Variants in PSD3 observed in about 807,000 individuals in gnomAD.
PSD3 encodes pleckstrin and Sec7 domain containing 3, also known as PH and SEC7 domain-containing protein 3.
In PSD3, 49 loss-of-function variants were observed where a neutral mutation model predicts 105.5. That is an observed-to-expected ratio of 0.46 (90% CI 0.37 to 0.59). PSD3 has a LOEUF of 0.59. PSD3 is among the 20% of genes least tolerant of loss of function. The pLI is 0.00. For missense variants in PSD3, 1,561 were observed against 1,263.8 expected (o/e 1.24, Z -3.57); for synonymous variants, 557 against 457.8 (o/e 1.22, Z -2.77).
chr8:18,936,582 T>C (rs1459688964), intron 1 of PSD3, among the ~76,000 whole-genome samples: 1 of 152,050 alleles, frequency 6.6e-6, no homozygotes, highest in Non-Finnish European at 1.5e-5. Flanking sequence ...ACCTACATGG[T>C]GAAACCCCAT....
chr8:18,643,704 C>G (rs190195457), intron 10 of PSD3, among the ~76,000 whole-genome samples: 1 of 152,360 alleles, frequency 6.6e-6, no homozygotes, highest in Non-Finnish European at 1.5e-5. Flanking sequence ...CCTGAAAACA[C>G]TGGAATTGGG....
At chr8:18,711,495 C>T (rs1047761973) in intron 9 of PSD3, among the ~76,000 whole-genome samples, 5 of 152,100 alleles carry the variant, frequency 3.3e-5, no homozygotes, top group African/African-American at 9.7e-5. Context: ...TTTGACAAAA[C>T]AGACTTTAAA....
At chr8:18,760,388 C>A (rs1212863848) in intron 9 of PSD3, among the ~76,000 whole-genome samples, 2 of 151,954 alleles carry the variant, frequency 1.3e-5, no homozygotes. Context: ...AAATTGTACC[C>A]TTTGTTTAAA....
At chr8:18,663,339 T>C (rs374558740) in intron 9 of PSD3, among the ~76,000 whole-genome samples, 5 of 152,044 alleles carry the variant, frequency 3.3e-5, no homozygotes, top group Admixed American at 2.0e-4. Flanking sequence ...TGCAGGAGGA[T>C]TGCTTCAACC....
intron 4 of PSD3, among the ~76,000 whole-genome samples, chr8:18,834,186 T>G (rs1043700047): frequency 6.6e-6 from 1 of 152,322 alleles, no homozygotes. Context: ...GAAGAAAATA[T>G]ATTTGAATGT....
Position 18,872,444 on chromosome 8 carries a change from G to A in PSD3, c.420C>T (p.Ala140=). 1 of 1,614,094 alleles carries A rather than the reference G, an allele frequency of 6.2e-7. No homozygotes were observed. The highest frequency in any genetic ancestry group is 8.5e-7 in the Non-Finnish European group (1 of 1,180,030). The change falls in exon 3 of 16, where the codon GCC becomes GCT. Residue 140 remains alanine (A), a synonymous_variant. Transcript: ENST00000327040. ...PIDSLISALK[A]TEARIISGTL... is the part of the protein sequence containing the mutation. ...TTCCGGAAATGATTCTGGCTTCTGT[G>A]GCTTTCAGAGCTGAAATCAAAGAGT...
intron 9 of PSD3, among the ~76,000 whole-genome samples, chr8:18,715,407 A>C (rs527460756): frequency 6.6e-6 from 1 of 152,234 alleles, no homozygotes; most frequent in Non-Finnish European, 1.5e-5. Flanking sequence ...GTATCCATGT[A>C]TGTAATTCAA....
chr8:18,733,990 TACA>T (rs1803964632), intron 9 of PSD3: 1 of 152,176 alleles, frequency 6.6e-6, no homozygotes, highest in African/African-American at 2.4e-5. Flanking sequence ...GCCTTTTAAA[TACA>T]GACCCCTAGG....
At chr8:19,036,310 C>T (rs1181311714) in intron 1 of PSD3, among the ~76,000 whole-genome samples, 1 of 152,068 alleles carries the variant, frequency 6.6e-6, no homozygotes. Context: ...CAGCTGCTTA[C>T]CAGGAAGGTG....
chr8:18,954,981 C>G (rs1483498590), intron 1 of PSD3, among the ~76,000 whole-genome samples: 3 of 152,164 alleles, frequency 2.0e-5, no homozygotes, highest in Non-Finnish European at 4.4e-5. Context: ...TGCAGGCAGA[C>G]AACGAGGGAG....
intron 11 of PSD3, among the ~76,000 whole-genome samples, chr8:18,624,752 T>C (rs970383890): frequency 6.6e-6 from 1 of 151,774 alleles, no homozygotes; most frequent in Admixed American, 6.6e-5. Context: ...CCATGGATCC[T>C]AATCCTTTAT....
At chr8:19,015,978 A>T (rs2114493), upstream of PSD3, among the ~76,000 whole-genome samples, 3,440 of 152,352 alleles carry the variant, frequency 0.023, 142 homozygotes, top group African/African-American at 0.079. Context: ...AATCAAAGAT[A>T]AAATGGTTAG....
At chr8:18,691,721 T>C (rs752602464) in intron 9 of PSD3, among the ~76,000 whole-genome samples, 3 of 152,310 alleles carry the variant, frequency 2.0e-5, no homozygotes, top group South Asian at 4.1e-4. Context: ...ACATCTAGTG[T>C]CAACTCAACA....
intron 11 of PSD3, among the ~76,000 whole-genome samples, chr8:18,625,283 C>T (rs536848524): frequency 7.2e-5 from 11 of 151,970 alleles, no homozygotes; most frequent in African/African-American, 1.9e-4. Flanking sequence ...CTATATCATC[C>T]ATCAAATTTT....
intron 13 of PSD3, among the ~76,000 whole-genome samples, chr8:18,573,129 T>C (rs1563335545): frequency 1.3e-5 from 2 of 152,234 alleles, no homozygotes; most frequent in East Asian, 3.8e-4. Flanking sequence ...GCATGTATCA[T>C]ACGTCCCAGC....
rs947535175 is a variant in PSD3 at position 18,872,727 on chromosome 8, T to C, written c.137A>G (p.His46Arg). ...TGGTGGGAGTAAAGTGCTTCCTCCA[T>C]GATCACCTGTGAAGAGAACACAATG... is the stretch of plus-strand genomic sequence containing the variant. ...SEGKAPDTSD[H>R]GGSTLLPPNV... is the part of the protein sequence containing the mutation. The change falls in exon 3 of 16, where the codon CAT becomes CGT. Residue 46 changes from histidine to arginine, a missense_variant. Physicochemically the swap from His to Arg is conservative, Grantham distance 29. Transcript: ENST00000327040. The C allele has an allele frequency of 3.7e-5, 58 of 1,553,632 alleles. No individual in the cohort carries two copies. Among genetic ancestry groups the C allele is most frequent in the Non-Finnish European group, 4.9e-5 (57 of 1,153,014 alleles).
rs1190112406 is a variant in PSD3 at position 18,530,095 on chromosome 8, G to A, written c.*5648C>T. The A allele has an allele frequency of 6.6e-6, 1 of 152,426 alleles. No homozygotes were observed. The highest frequency in any genetic ancestry group is 1.5e-5 in the Non-Finnish European group (1 of 68,022). 9.4% of individuals were successfully genotyped at this position (152,426 alleles called of 1,614,324 possible). ...CTCTGAATCAGCTACAAAGACACGA[G>A]GCAGTGTGTTTAAACAAAAGACACT... On this transcript the variant is annotated 3_prime_UTR_variant, in exon 16 of 16. Coordinates refer to ENST00000327040, the MANE Select transcript of PSD3 (RefSeq NM_015310.4).
chr8:18,727,492 A>G (rs1032189851), intron 9 of PSD3, among the ~76,000 whole-genome samples: 1 of 151,060 alleles, frequency 6.6e-6, no homozygotes, highest in Non-Finnish European at 1.5e-5. Flanking sequence ...CCTGGGTAAC[A>G]GAGCAAGATT....
At chr8:18,738,371 C>G (rs1804309655) in intron 9 of PSD3, among the ~76,000 whole-genome samples, 1 of 152,138 alleles carries the variant, frequency 6.6e-6, no homozygotes, top group South Asian at 2.1e-4. Context: ...GAAGGTTCAT[C>G]AAGATCATCT....
Sources: gnomAD v4.1 joint callset for allele counts (sites outside exome capture counted in the v4.1 genomes callset) on GRCh38, gnomAD v4.1.1 for gene constraint, MANE v1.5 for transcripts, NCBI Gene and HGNC (gene_info 2026-07-23, HGNC 2026-07-21) for gene names.